Variants in PCDHA1 observed in about 807,000 individuals in gnomAD.
PCDHA1 encodes the protein protocadherin alpha 1.
In PCDHA1, 42 loss-of-function variants were observed where a neutral mutation model predicts 61.3. The observed-to-expected ratio is 0.69, with a 90% confidence interval of 0.54 to 0.89. The LOEUF is 0.89. Ranked by LOEUF, PCDHA1 falls within the 40% of genes least tolerant of loss-of-function variation. PCDHA1 has a pLI of 0.00. For missense variants in PCDHA1, 1,256 were observed against 1,235.3 expected (o/e 1.02, Z -0.25); for synonymous variants, 610 against 553.8 (o/e 1.10, Z -1.43).
rs2150434628 is a variant in PCDHA1, at chr5:140,849,311, C to T, written c.2394+60627C>T. On this transcript the variant is annotated intron_variant, in intron 1 of 3. Transcript: ENST00000504120. ...CCAATGCCTCAGATTTAGACGAAGGCTTGAATGGGGATATTATTTACTCCT... is the reference window on the plus strand; with the variant it reads ...CCAATGCCTCAGATTTAGACGAAGGTTTGAATGGGGATATTATTTACTCCT... 446 of 1,312,408 alleles carry T rather than the reference C, an allele frequency of 3.4e-4. 16 individuals carry two copies. The African/African-American group carries it at 6.8e-3, about 20-fold the overall frequency. 81.3% of individuals were successfully genotyped at this position (1,312,408 alleles called of 1,614,324 possible). A position where few individuals can be genotyped will look rare whatever the true frequency, so the allele number is the denominator to read the frequency against.
rs1310704954 is a variant in PCDHA1, at chr5:141,010,062, A to C, written c.*125A>C. 1.2e-6 allele frequency: 2 copies of C among 1,602,540 alleles called. No homozygotes were observed. The highest frequency in any genetic ancestry group is 1.7e-6 in the Non-Finnish European group (2 of 1,174,354). Reference sequence around the variant, plus strand: ...CCTCTTAGAGACCTCAGAAATCTGCAGAAAGTTCCCTGTGTCTGTCTAGAA... The same window carrying C: ...CCTCTTAGAGACCTCAGAAATCTGCCGAAAGTTCCCTGTGTCTGTCTAGAA... On this transcript the variant is annotated 3_prime_UTR_variant, in exon 4 of 4. Transcript: ENST00000504120.
chr5:140,810,781 T>C (rs1764727792), intron 1 of PCDHA1: 1 of 152,136 alleles, frequency 6.6e-6, no homozygotes, highest in Admixed American at 6.5e-5. Flanking sequence ...TTTAGTAGTT[T>C]TCAACCTCAT....
chr5:140,968,782 C>G, intron 1 of PCDHA1: 1 of 1,614,192 alleles, frequency 6.2e-7, no homozygotes, highest in South Asian at 1.1e-5. Flanking sequence ...CACTATCAGC[C>G]TCTGTGGCCA....
intron 1 of PCDHA1, chr5:140,859,072 G>T (rs1168323371): frequency 6.6e-6 from 1 of 150,540 alleles, no homozygotes; most frequent in African/African-American, 2.4e-5. Flanking sequence ...AGTTGTAGTG[G>T]TACCTGTGTC....
chr5:140,901,815 A>T (rs1339282567), intron 1 of PCDHA1, among the ~76,000 whole-genome samples: 1 of 152,122 alleles, frequency 6.6e-6, no homozygotes, highest in African/African-American at 2.4e-5. Context: ...TACAATATTG[A>T]TTCTTCCAGT....
chr5:140,814,193 T>A (rs1765456616), intron 1 of PCDHA1: 1 of 152,734 alleles, frequency 6.5e-6, no homozygotes, highest in Non-Finnish European at 1.5e-5. Context: ...TTAATTTTTT[T>A]ATTTTTTTCA....
intron 1 of PCDHA1, among the ~76,000 whole-genome samples, chr5:140,832,018 A>G (rs1771809703): frequency 6.6e-6 from 1 of 152,212 alleles, no homozygotes; most frequent in Admixed American, 6.6e-5. Context: ...TTACGTAAAG[A>G]TTGAATTTTT....
intron 1 of PCDHA1, chr5:140,864,334 G>T (rs1303822617): frequency 6.6e-6 from 1 of 152,076 alleles, no homozygotes; most frequent in Non-Finnish European, 1.5e-5. Flanking sequence ...AATTATTTGA[G>T]TTTAAAACAT....
rs1308888029 is a variant in PCDHA1 at position 141,011,344 on chromosome 5, A to G, written c.*1407A>G. Reference sequence around the variant, plus strand: ...ACACCTATGATGTTACCTGAAATCAATCTCCCATATGTATGCTGTATGCTA... The same window carrying G: ...ACACCTATGATGTTACCTGAAATCAGTCTCCCATATGTATGCTGTATGCTA... On this transcript the variant is annotated 3_prime_UTR_variant, in exon 4 of 4. Coordinates refer to ENST00000504120, the MANE Select transcript of PCDHA1 (RefSeq NM_018900.4). 3 of 153,730 alleles carry G rather than the reference A, an allele frequency of 2.0e-5. No homozygotes were observed. The highest frequency in any genetic ancestry group is 2.9e-5 in the Non-Finnish European group (2 of 68,040). The allele number at this position is 153,730 out of a possible 1,614,324, so 9.5% of individuals were successfully genotyped here.
At chr5:140,830,488 A>C in intron 1 of PCDHA1, 1 of 1,494,964 alleles carries the variant, frequency 6.7e-7, no homozygotes, top group Middle Eastern at 1.8e-4. Flanking sequence ...ATGCCAAAGT[A>C]AGTGAATTTT....
intron 1 of PCDHA1, among the ~76,000 whole-genome samples, chr5:140,912,600 T>C (rs2075993093): frequency 6.6e-6 from 1 of 152,156 alleles, no homozygotes; most frequent in African/African-American, 2.4e-5. Context: ...CTTTATTTCT[T>C]CCTCTTGTCT....
At chr5:140,820,606 G>A (rs2150107398) in intron 1 of PCDHA1, among the ~76,000 whole-genome samples, 2 of 151,906 alleles carry the variant, frequency 1.3e-5, no homozygotes, top group Admixed American at 6.6e-5. Flanking sequence ...TTTCTAGGTC[G>A]TGTTCAAATC....
intron 1 of PCDHA1, chr5:140,788,931 C>A (rs1322185076): frequency 3.9e-6 from 3 of 768,152 alleles, no homozygotes; most frequent in Non-Finnish European, 5.7e-6. Context: ...AGCTACAATA[C>A]AAGGTACAAT....
intron 1 of PCDHA1, among the ~76,000 whole-genome samples, chr5:140,831,824 C>G (rs1771719892): frequency 6.6e-6 from 1 of 152,140 alleles, no homozygotes; most frequent in African/African-American, 2.4e-5. Context: ...ATGATAAACA[C>G]TAGTTTCAAT....
intron 1 of PCDHA1, among the ~76,000 whole-genome samples, chr5:140,906,383 T>A (rs1386557574): frequency 6.6e-6 from 1 of 152,214 alleles, no homozygotes; most frequent in African/African-American, 2.4e-5. Context: ...TTACATAAAG[T>A]TAACATTTAA....
chr5:140,935,736 A>G (rs2090532745), intron 1 of PCDHA1, among the ~76,000 whole-genome samples: 1 of 152,190 alleles, frequency 6.6e-6, no homozygotes, highest in Admixed American at 6.5e-5. Flanking sequence ...TCTAGTATCT[A>G]TTATTCCATA....
At position 140,931,440 on chromosome 5, in the gene PCDHA1, A is replaced by C. The variant is rs539915059; in HGVS notation, c.2395-47509A>C. Among the ~76,000 whole-genome samples the C allele has an allele frequency of 2.1e-5, 3 of 141,482 alleles. No individual in the cohort carries two copies. In the South Asian group the frequency reaches 6.9e-4, roughly 32 times the overall value. 92.8% of individuals were successfully genotyped at this position (141,482 alleles called of 152,430 possible). A position where few individuals can be genotyped will look rare whatever the true frequency, so the allele number is the denominator to read the frequency against. ...CTAGAAGTTAGAAGGAAAATTAGCT[A>C]TTTAAAAGGAAAAATATAGGAATGA... On this transcript the variant is annotated intron_variant, in intron 1 of 3. Transcript: ENST00000504120.
At chr5:140,829,934 G>A (rs2150178196) in intron 1 of PCDHA1, 1 of 1,613,996 alleles carries the variant, frequency 6.2e-7, no homozygotes, top group East Asian at 2.2e-5. Context: ...GCAGCCCCCG[G>A]CAAGCAGCGC....
chr5:140,855,938 T>G, intron 1 of PCDHA1: 1 of 1,308,620 alleles, frequency 7.6e-7, no homozygotes, highest in South Asian at 1.5e-5. Context: ...CATTCTGAGA[T>G]CTCAGCCATT....
Sources: gnomAD v4.1 joint callset for allele counts (sites outside exome capture counted in the v4.1 genomes callset) on GRCh38, gnomAD v4.1.1 for gene constraint, MANE v1.5 for transcripts, NCBI Gene and HGNC (gene_info 2026-07-23, HGNC 2026-07-21) for gene names.